Variants in ERI3 observed in about 807,000 individuals in gnomAD.
ERI3 encodes the protein ERI1 exoribonuclease family member 3.
ERI3 carries 18 observed loss-of-function variants against 44.4 expected under a neutral mutation model. The observed-to-expected ratio is 0.41, with a 90% confidence interval of 0.28 to 0.60. The LOEUF is 0.60. ERI3 is among the 20% of genes least tolerant of loss of function. ERI3 has a pLI of 0.36. For synonymous variants in ERI3, 183 were observed against 164.8 expected (o/e 1.11, Z -0.84); for missense variants, 294 against 435.5 (o/e 0.68, Z 2.89).
chr1:44,354,891 C>A lies in ERI3; in HGVS notation c.135+1G>T. The stretch of plus-strand genomic sequence containing the variant: ...TGGCGGGGCCATTCAGCATCACCCA[C>A]CCCGGGGTGTTGCCCCCAACTCGGG... On this transcript the variant is annotated splice_donor_variant, in intron 1 of 8. Transcript: ENST00000372257. LOFTEE classifies it high-confidence loss of function. 1 of 1,316,952 alleles carries A rather than the reference C, an allele frequency of 7.6e-7. No individual in the cohort carries two copies. The highest frequency in any genetic ancestry group is 9.8e-7 in the Non-Finnish European group (1 of 1,024,138). The allele number at this position is 1,316,952 out of a possible 1,614,324, so 81.6% of individuals were successfully genotyped here. A position where few individuals can be genotyped will look rare whatever the true frequency, so the allele number is the denominator to read the frequency against.
chr1:44,317,485 T>C (rs1337999792), intron 4 of ERI3, among the ~76,000 whole-genome samples: 2 of 150,308 alleles, frequency 1.3e-5, no homozygotes, highest in South Asian at 2.1e-4. Flanking sequence ...AGCAGTACAG[T>C]TGTTTTTGGG....
At chr1:44,312,516 G>A (rs1384497175) in intron 5 of ERI3, among the ~76,000 whole-genome samples, 3 of 152,054 alleles carry the variant, frequency 2.0e-5, no homozygotes, top group South Asian at 4.1e-4. Flanking sequence ...CTAGCTCCCC[G>A]AGGAGAACAT....
chr1:44,291,867 T>C lies in ERI3; in HGVS notation c.759-6960A>G, dbSNP rs577162194. 9.9e-5 allele frequency among the ~76,000 whole-genome samples: 15 copies of C among 152,276 alleles called. 2 individuals carry two copies. Among genetic ancestry groups the C allele is most frequent in the African/African-American group, 3.6e-4 (15 of 41,584 alleles). Reference sequence around the variant, plus strand: ...TGGAGTTACAGATGGAGAAGGCACCTTGGGACTCATTCTCCCCATCAAAGT... The same window carrying C: ...TGGAGTTACAGATGGAGAAGGCACCCTGGGACTCATTCTCCCCATCAAAGT... On this transcript the variant is annotated intron_variant, in intron 6 of 8. Transcript: ENST00000372257.
intron 3 of ERI3, among the ~76,000 whole-genome samples, chr1:44,330,119 T>C (rs1195527290): frequency 6.6e-6 from 1 of 152,232 alleles, no homozygotes; most frequent in Non-Finnish European, 1.5e-5. Flanking sequence ...GACTCTGGCT[T>C]ATAACATCTA....
chr1:44,241,805 CACAT>C lies in ERI3; in HGVS notation c.931+6130_931+6133del, dbSNP rs59509064. On this transcript the variant is annotated intron_variant, in intron 8 of 8. Coordinates refer to ENST00000372257, the MANE Select transcript of ERI3 (RefSeq NM_024066.3). This position sits in a 1 kb window ranked among gnomAD's most constrained non-coding sequence, Gnocchi z 5.6. ...TTCCTAAAGAATCAAACACACATAA[CACAT>C]ACATACATACATACATACATACATA... The C allele has an allele frequency of 0.24, 42,752 of 175,236 alleles. 6,701 individuals carry two copies. Among genetic ancestry groups the C allele is most frequent in the Middle Eastern group, 0.33 (110 of 336 alleles). The allele number at this position is 175,236 out of a possible 1,614,324, so 10.9% of individuals were successfully genotyped here. A position where few individuals can be genotyped will look rare whatever the true frequency, so the allele number is the denominator to read the frequency against.
chr1:44,316,016 C>T (rs1301971113), intron 4 of ERI3, among the ~76,000 whole-genome samples: 1 of 149,828 alleles, frequency 6.7e-6, no homozygotes, highest in Non-Finnish European at 1.5e-5. Context: ...AAATTAGTTC[C>T]TCTACCTGAT....
intron 3 of ERI3, among the ~76,000 whole-genome samples, chr1:44,330,134 T>C (rs897550025): frequency 1.1e-4 from 16 of 152,244 alleles, no homozygotes; most frequent in African/African-American, 3.9e-4. Flanking sequence ...CATCTATTTC[T>C]GTTTCTTCTT....
At chr1:44,266,238 T>C (rs1034925791) in intron 7 of ERI3, among the ~76,000 whole-genome samples, 1 of 152,138 alleles carries the variant, frequency 6.6e-6, no homozygotes, top group African/African-American at 2.4e-5. Context: ...ACTGAGGACA[T>C]AAGAGGAGTT....
intron 3 of ERI3, chr1:44,323,057 G>C (rs1275885814): frequency 1.3e-6 from 1 of 764,384 alleles, no homozygotes; most frequent in Non-Finnish European, 1.8e-6. Flanking sequence ...ATTCCCCTAG[G>C]AAGAGGTTTA....
At chr1:44,238,723 T>C (rs1255266915) in intron 8 of ERI3, among the ~76,000 whole-genome samples, 1 of 151,580 alleles carries the variant, frequency 6.6e-6, no homozygotes, top group Non-Finnish European at 1.5e-5. Flanking sequence ...AGCGAGAGTA[T>C]AGGACTGAAC....
intron 3 of ERI3, among the ~76,000 whole-genome samples, chr1:44,332,915 C>A (rs1291855556): frequency 3.9e-5 from 6 of 152,232 alleles, no homozygotes; most frequent in Non-Finnish European, 8.8e-5. Flanking sequence ...CCCATTCCCA[C>A]CATCACTGGC....
intron 2 of ERI3, among the ~76,000 whole-genome samples, chr1:44,341,784 GT>G (rs1176361115): frequency 6.6e-6 from 1 of 152,136 alleles, no homozygotes; most frequent in African/African-American, 2.4e-5. Context: ...CAGCTACTTG[GT>G]AGGCTGAAGT....
In ERI3 at chr1:44,228,839, G is replaced by A. The variant is rs1417983320; in HGVS notation, c.932-7199C>T. On this transcript the variant is annotated intron_variant, in intron 8 of 8. Transcript: ENST00000372257. This position sits in a 1 kb window ranked among gnomAD's most constrained non-coding sequence, Gnocchi z 4.3. ...ACCAGGAACTCAACTCAGATTTGGCGAGGCAAAGGACATGATTGGTCCCAA... is the reference window on the plus strand; with the variant it reads ...ACCAGGAACTCAACTCAGATTTGGCAAGGCAAAGGACATGATTGGTCCCAA... Among the ~76,000 whole-genome samples the A allele has an allele frequency of 1.3e-5, 2 of 152,222 alleles. No individual in the cohort carries two copies. The highest frequency in any genetic ancestry group is 2.9e-5 in the Non-Finnish European group (2 of 68,038).
intron 6 of ERI3, among the ~76,000 whole-genome samples, chr1:44,296,050 C>T (rs1050347705): frequency 6.6e-5 from 10 of 152,264 alleles, no homozygotes; most frequent in South Asian, 2.1e-4. Flanking sequence ...GGACTGTGCT[C>T]GTCCTAGCTA....
At chr1:44,324,508 G>C (rs1646268046) in intron 3 of ERI3, among the ~76,000 whole-genome samples, 1 of 131,836 alleles carries the variant, frequency 7.6e-6, no homozygotes, top group Non-Finnish European at 1.6e-5. Flanking sequence ...TTGAGACGGA[G>C]TCTCGCTCTG....
chr1:44,355,125 CG>C lies in ERI3; in HGVS notation c.-100del, dbSNP rs1233004526. On this transcript the variant is annotated 5_prime_UTR_variant, in exon 1 of 9. Transcript: ENST00000372257. The stretch of plus-strand genomic sequence containing the variant: ...AGCAAGCGCTCAGGGCAGTTGGCGG[CG>C]GCGGGCGCGGCCCGCGCCGACTGCG... The C allele has an allele frequency of 2.4e-6, 3 of 1,232,414 alleles. No homozygotes were observed. Among genetic ancestry groups the C allele is most frequent in the Non-Finnish European group, 3.1e-6 (3 of 982,648 alleles). The allele number at this position is 1,232,414 out of a possible 1,614,324, so 76.3% of individuals were successfully genotyped here.
At chr1:44,247,471 C>T (rs535844295) in intron 8 of ERI3, among the ~76,000 whole-genome samples, 12 of 152,286 alleles carry the variant, frequency 7.9e-5, no homozygotes, top group African/African-American at 1.2e-4. Context: ...ACGGAGTCAT[C>T]GGTCAGAAGG....
In ERI3 at chr1:44,252,459, C is replaced by T. The variant is rs1257418624; in HGVS notation, c.832-4421G>A. On this transcript the variant is annotated intron_variant, in intron 7 of 8. Transcript: ENST00000372257. The surrounding 1 kb of genome is among the most constrained non-coding windows in gnomAD (Gnocchi z 4.7). ...GTGCGGCGGGTGGCCCCCTGTGTAACAGGGAGCTTTGCCATTAGCGCCTTT... is the reference window on the plus strand; with the variant it reads ...GTGCGGCGGGTGGCCCCCTGTGTAATAGGGAGCTTTGCCATTAGCGCCTTT... 2.0e-5 allele frequency among the ~76,000 whole-genome samples: 3 copies of T among 152,220 alleles called. No homozygotes were observed. The highest frequency in any genetic ancestry group is 7.2e-5 in the African/African-American group (3 of 41,460).
intron 7 of ERI3, among the ~76,000 whole-genome samples, chr1:44,258,085 T>C (rs987227146): frequency 1.3e-5 from 2 of 152,104 alleles, no homozygotes; most frequent in African/African-American, 4.8e-5. Context: ...TCAGAACCAG[T>C]CTGCAAAGCA....
Sources: allele counts gnomAD v4.1 joint callset (sites outside exome capture counted in the v4.1 genomes callset), GRCh38; gene constraint gnomAD v4.1.1; non-coding constraint Gnocchi (gnomAD v3.1); transcripts MANE v1.5; gene names NCBI Gene and HGNC (gene_info 2026-07-23, HGNC 2026-07-21).